Variants in WASF3 observed in about 807,000 individuals in gnomAD.
WASF3 encodes WASP family member 3, also known as actin-binding protein WASF3.
WASF3 carries 11 observed loss-of-function variants against 46.6 expected under a neutral mutation model. The observed-to-expected ratio is 0.24, with a 90% confidence interval of 0.15 to 0.39. The LOEUF (loss-of-function observed/expected upper bound fraction) is 0.39, where lower values mean the gene tolerates loss of function less well. WASF3 is among the 10% of genes least tolerant of loss of function. The probability of loss-of-function intolerance (pLI) is 1.00; values close to 1 mark genes in which losing one functional copy is unlikely to be tolerated. For synonymous variants in WASF3, 242 were observed against 259.7 expected, an observed-to-expected ratio of 0.93 and a Z score of 0.65; for missense variants, 576 against 669.8, an observed-to-expected ratio of 0.86 and a Z score of 1.55.
intron 2 of WASF3, among the ~76,000 whole-genome samples, chr13:26,628,947 G>C (rs2133815): frequency 0.44 from 67,363 of 152,114 alleles, 16,275 homozygotes; most frequent in Non-Finnish European, 0.55. Context: ...TGTGGAGTAT[G>C]ACCATCCTTT....
intron 2 of WASF3, among the ~76,000 whole-genome samples, chr13:26,634,464 T>C (rs546915383): frequency 6.6e-6 from 1 of 152,346 alleles, no homozygotes; most frequent in South Asian, 2.1e-4. Context: ...TGTCTTTTAA[T>C]TGGGGCATTT....
At position 26,679,899 on chromosome 13, in the gene WASF3, C is replaced by G; in HGVS notation, c.717-1155C>G. ...AAAAGGAAAAGAAGCTGTCTCTTCTCATTTGGAAGGCTTTTCTGTGCCACA... is the reference window on the plus strand; with the variant it reads ...AAAAGGAAAAGAAGCTGTCTCTTCTGATTTGGAAGGCTTTTCTGTGCCACA... On this transcript the variant is annotated intron_variant, in intron 7 of 9. Transcript: ENST00000335327. This position sits in a 1 kb window ranked among gnomAD's most constrained non-coding sequence, Gnocchi z 4.8. The G allele has an allele frequency of 1.0e-6, 1 of 981,676 alleles. No individual in the cohort carries two copies. Among genetic ancestry groups the G allele is most frequent in the South Asian group, 1.7e-5 (1 of 58,560 alleles). 60.8% of individuals were successfully genotyped at this position (981,676 alleles called of 1,614,324 possible). A position where few individuals can be genotyped will look rare whatever the true frequency, so the allele number is the denominator to read the frequency against.
upstream of WASF3, among the ~76,000 whole-genome samples, chr13:26,553,339 G>T (rs1465499087): frequency 4.6e-5 from 7 of 152,104 alleles, no homozygotes; most frequent in Non-Finnish European, 8.8e-5. Context: ...AAGTTGGGAG[G>T]GGGTAGTAAC....
At chr13:26,586,657 C>T (rs1482624583) in intron 1 of WASF3, among the ~76,000 whole-genome samples, 2 of 152,070 alleles carry the variant, frequency 1.3e-5, no homozygotes, top group African/African-American at 4.8e-5. Flanking sequence ...AGAGAATTGT[C>T]AGGGATACTC....
At chr13:26,661,534 A>G (rs963927358) in intron 3 of WASF3, among the ~76,000 whole-genome samples, 38 of 152,212 alleles carry the variant, frequency 2.5e-4, no homozygotes, top group African/African-American at 8.9e-4. Flanking sequence ...CTGGACACTC[A>G]GGTTCTTCCA....
rs140475184 is a variant in WASF3, at chr13:26,588,626, G to A, written c.-108-24335G>A. Among the ~76,000 whole-genome samples the A allele has an allele frequency of 4.7e-3, 712 of 152,046 alleles. 28 individuals carry two copies. Among genetic ancestry groups the A allele is most frequent in the Admixed American group, 0.038 (582 of 15,262 alleles). On this transcript the variant is annotated intron_variant, in intron 1 of 9. Transcript: ENST00000335327. ...TTCTGGATTCTAATTTGATCTTGTC[G>A]AACGTTTTGTAGTTTTAAAATGCGT...
chr13:26,638,970 C>T (rs1221354518), intron 2 of WASF3, among the ~76,000 whole-genome samples: 1 of 152,186 alleles, frequency 6.6e-6, no homozygotes, highest in Non-Finnish European at 1.5e-5. Context: ...CATGTGATCT[C>T]TTTGCATACA....
chr13:26,671,521 G>A (rs1242486666), intron 5 of WASF3, among the ~76,000 whole-genome samples: 2 of 152,102 alleles, frequency 1.3e-5, no homozygotes, highest in African/African-American at 4.8e-5. Flanking sequence ...CCATCTCTGT[G>A]TATGGCCCCA....
chr13:26,643,116 T>C (rs1221159371), intron 3 of WASF3, among the ~76,000 whole-genome samples: 1 of 152,202 alleles, frequency 6.6e-6, no homozygotes, highest in African/African-American at 2.4e-5. Context: ...TGCATGAAAA[T>C]GCTTTTTCCT....
chr13:26,564,050 C>A (rs1879383358), intron 1 of WASF3, among the ~76,000 whole-genome samples: 1 of 152,112 alleles, frequency 6.6e-6, no homozygotes, highest in Admixed American at 6.6e-5. Flanking sequence ...GTATTTTAAT[C>A]TTTTCTTCCT....
chr13:26,615,450 A>G (rs1881104061), intron 2 of WASF3, among the ~76,000 whole-genome samples: 1 of 152,104 alleles, frequency 6.6e-6, no homozygotes, highest in Non-Finnish European at 1.5e-5. Flanking sequence ...CTGGGGTTAC[A>G]GGCATGTGCC....
At chr13:26,558,186 C>T (rs61944882) in intron 1 of WASF3, among the ~76,000 whole-genome samples, 24,408 of 151,770 alleles carry the variant, frequency 0.16, 2,484 homozygotes, top group South Asian at 0.25. Flanking sequence ...CCCGGGCCTC[C>T]GCTCGCGCCC....
intron 3 of WASF3, among the ~76,000 whole-genome samples, chr13:26,660,760 T>C (rs1882606241): frequency 1.3e-5 from 2 of 152,198 alleles, no homozygotes; most frequent in South Asian, 4.1e-4. Flanking sequence ...AGTTTTTAAG[T>C]GGACAGTCCA....
chr13:26,558,633 A>G (rs923470370), intron 1 of WASF3, among the ~76,000 whole-genome samples: 2 of 152,316 alleles, frequency 1.3e-5, no homozygotes, highest in East Asian at 3.9e-4. Flanking sequence ...TCCCTGGTGG[A>G]GACGAGAGTT....
Position 26,667,498 on chromosome 13 carries a change from G to T in WASF3, c.269-19G>T, listed in dbSNP as rs890964343. 9 of 1,597,300 alleles carry T rather than the reference G, an allele frequency of 5.6e-6. No individual in the cohort carries two copies. In the Admixed American group the frequency reaches 8.8e-5, roughly 16 times the overall value. On this transcript the variant is annotated intron_variant, in intron 4 of 9. Coordinates refer to ENST00000335327, the MANE Select transcript of WASF3 (RefSeq NM_006646.6). ...AAATATTTCTATATAACTCAACTTGGGGGATTTTCTCTAAATAGTCTCACT... is the reference window on the plus strand; with the variant it reads ...AAATATTTCTATATAACTCAACTTGTGGGATTTTCTCTAAATAGTCTCACT...
chr13:26,588,610 C>G (rs973329441), intron 1 of WASF3, among the ~76,000 whole-genome samples: 1 of 152,118 alleles, frequency 6.6e-6, no homozygotes, highest in Non-Finnish European at 1.5e-5. Flanking sequence ...CTTCTGGATT[C>G]TAATTTGATC....
intron 1 of WASF3, among the ~76,000 whole-genome samples, chr13:26,598,308 G>T (rs1181869954): frequency 6.6e-6 from 1 of 151,996 alleles, no homozygotes; most frequent in African/African-American, 2.4e-5. Flanking sequence ...CTTTTTGATG[G>T]GGTTGTTTTT....
chr13:26,625,249 G>A (rs1881428828), intron 2 of WASF3, among the ~76,000 whole-genome samples: 1 of 152,148 alleles, frequency 6.6e-6, no homozygotes, highest in African/African-American at 2.4e-5. Flanking sequence ...CAGAGAAATA[G>A]AACATATAGG....
chr13:26,609,352 T>C (rs1288113506), intron 1 of WASF3: 1 of 152,314 alleles, frequency 6.6e-6, no homozygotes, highest in East Asian at 1.9e-4. Flanking sequence ...GTAACCTGAA[T>C]GTGAAGTGAG....
Sources: gnomAD v4.1 joint callset for allele counts (sites outside exome capture counted in the v4.1 genomes callset) on GRCh38, gnomAD v4.1.1 for gene constraint, Gnocchi (gnomAD v3.1) non-coding constraint, MANE v1.5 for transcripts, NCBI Gene and HGNC (gene_info 2026-07-23, HGNC 2026-07-21) for gene names.